Variants in ITGA2 observed in about 807,000 individuals in gnomAD.
The protein encoded by ITGA2 is integrin subunit alpha 2, also known as integrin alpha-2.
ITGA2 carries 101 observed loss-of-function variants against 146.3 expected under a neutral mutation model. The ratio of observed to expected loss-of-function variants is 0.69; its 90% CI spans 0.59 to 0.81. The LOEUF (loss-of-function observed/expected upper bound fraction) is 0.81, where lower values mean the gene tolerates loss of function less well. ITGA2 is among the 40% of genes least tolerant of loss of function. ITGA2 has a pLI of 0.00. For synonymous variants in ITGA2, 477 were observed against 487.1 expected, an observed-to-expected ratio of 0.98 and a Z score of 0.27; for missense variants, 1,281 against 1,402.7, an observed-to-expected ratio of 0.91 and a Z score of 1.39.
intron 8 of ITGA2, 46 bp from the exon 9 acceptor site, chr5:53,055,938 A>G (rs1410351530): frequency 6.4e-7 from 1 of 1,558,878 alleles, no homozygotes. Context: ...TCATAGGGAA[A>G]ATGTACAGCA....
intron 1 of ITGA2, among the ~76,000 whole-genome samples, chr5:53,006,263 C>T (rs1741845071): frequency 6.6e-6 from 1 of 152,098 alleles, no homozygotes; most frequent in Admixed American, 6.6e-5. Context: ...TGGTGTACAT[C>T]TCTTAATGGT....
chr5:53,064,907 G>A lies in ITGA2; in HGVS notation c.1603-5G>A, dbSNP rs1440215804. 11 of 1,612,116 alleles carry A rather than the reference G, an allele frequency of 6.8e-6. No individual in the cohort carries two copies. Among genetic ancestry groups the A allele is most frequent in the African/African-American group, 2.7e-5 (2 of 74,760 alleles). On this transcript the variant is annotated splice_region_variant and splice_polypyrimidine_tract_variant and intron_variant, in intron 13 of 29. Transcript: ENST00000296585. The stretch of plus-strand genomic sequence containing the variant: ...TTAATCATCCTTTTGTTTCCCCTTT[G>A]CAAGGGCATTTTGGGTCAGCACCAA...
At chr5:53,033,446 A>AT (rs1743332165) in intron 2 of ITGA2, among the ~76,000 whole-genome samples, 1 of 152,044 alleles carries the variant, frequency 6.6e-6, no homozygotes, top group Non-Finnish European at 1.5e-5. Flanking sequence ...GTCTTTTATG[A>AT]TATAGCCTTT....
intron 9 of ITGA2, 55 bp downstream of exon 9, chr5:53,056,204 T>C: frequency 6.7e-7 from 1 of 1,503,586 alleles, no homozygotes; most frequent in African/African-American, 1.4e-5. Flanking sequence ...AAATAATTGT[T>C]TATTATCACA....
At chr5:53,080,489 G>A (rs556539357) in intron 24 of ITGA2, 22 bp from the exon 25 acceptor site, 15 of 1,579,910 alleles carry the variant, frequency 9.5e-6, no homozygotes, top group Non-Finnish European at 1.3e-5. Context: ...TGCAGTACTG[G>A]CACATTTTAT....
chr5:53,074,915 GA>G (rs1323691188), intron 21 of ITGA2, 145 bp from the exon 22 acceptor site: 2 of 650,896 alleles, frequency 3.1e-6, no homozygotes, highest in Non-Finnish European at 5.4e-6. Context: ...GACAAATAAA[GA>G]TATTCCACAA....
chr5:53,062,006 C>G (rs1490885285), intron 12 of ITGA2, among the ~76,000 whole-genome samples: 1 of 151,778 alleles, frequency 6.6e-6, no homozygotes, highest in Non-Finnish European at 1.5e-5. Context: ...GGAATCATTT[C>G]TTAGTCATTT....
At chr5:52,989,553 G>A (rs1383258674) in intron 1 of ITGA2, 21 bp downstream of exon 1, 1 of 1,613,792 alleles carries the variant, frequency 6.2e-7, no homozygotes, top group East Asian at 2.2e-5. Context: ...ATTTCGCTCT[G>A]CATCGGCTGC....
In ITGA2 at chr5:53,048,788, G is replaced by T. The variant is rs1744214847; in HGVS notation, c.630+18G>T. 1.2e-6 allele frequency: 2 copies of T among 1,612,744 alleles called. No individual in the cohort carries two copies. The highest frequency in any genetic ancestry group is 3.3e-5 in the Admixed American group (2 of 59,972). On this transcript the variant is annotated intron_variant, in intron 6 of 29. Transcript: ENST00000296585. ...AGACACAGGTATGGCTAACAGAAAT[G>T]CATAACTAACTTATGGCTTTCTTTC...
At chr5:53,088,451 C>T (rs1242974395) in intron 28 of ITGA2, among the ~76,000 whole-genome samples, 1 of 151,854 alleles carries the variant, frequency 6.6e-6, no homozygotes. Context: ...TTTGGGAGGC[C>T]GAGGCAGGCG....
chr5:53,052,258 C>T (rs1215118498), intron 7 of ITGA2, among the ~76,000 whole-genome samples: 1 of 152,048 alleles, frequency 6.6e-6, no homozygotes, highest in Non-Finnish European at 1.5e-5. Context: ...CCTTGACAGG[C>T]CCCAGTGTGT....
chr5:53,045,553 G>A (rs1010928629), intron 4 of ITGA2, among the ~76,000 whole-genome samples: 3 of 152,142 alleles, frequency 2.0e-5, no homozygotes, highest in African/African-American at 7.2e-5. Context: ...TACAAAAAGA[G>A]TAAAAAGACA....
At chr5:53,025,934 A>C (rs1169001780) in intron 1 of ITGA2, among the ~76,000 whole-genome samples, 2 of 152,180 alleles carry the variant, frequency 1.3e-5, no homozygotes, top group African/African-American at 4.8e-5. Flanking sequence ...CCTTTCCTTC[A>C]TTCCCTTTCC....
At chr5:53,035,876 C>G (rs992597869) in intron 2 of ITGA2, among the ~76,000 whole-genome samples, 1 of 151,950 alleles carries the variant, frequency 6.6e-6, no homozygotes, top group African/African-American at 2.4e-5. Context: ...GTAAAATATC[C>G]CCTTGGATGG....
rs115856870 is a variant in ITGA2, at chr5:53,005,123, T to C, written c.64+15591T>C. Among the ~76,000 whole-genome samples the C allele has an allele frequency of 6.0e-3, 918 of 152,022 alleles. 11 individuals carry two copies. Among genetic ancestry groups the C allele is most frequent in the African/African-American group, 0.021 (871 of 41,442 alleles). ...ACTTTAGAGTTTGAAGTCTATTTGC[T>C]TAGGTTCAGAGTCAGGGTCTGAGTA... On this transcript the variant is annotated intron_variant, in intron 1 of 29. Transcript: ENST00000296585.
chr5:53,047,966 G>A (rs552724942), intron 4 of ITGA2, among the ~76,000 whole-genome samples: 2 of 152,188 alleles, frequency 1.3e-5, no homozygotes, highest in South Asian at 4.1e-4. Context: ...AGAATGTGTG[G>A]TTATCCTCAT....
rs765938634 is a variant in ITGA2 at position 53,065,117 on chromosome 5, TA to T, written c.1806+4del. 6.2e-7 allele frequency: 1 copy of T among 1,612,012 alleles called. No homozygotes were observed. Among genetic ancestry groups the T allele is most frequent in the Non-Finnish European group, 8.5e-7 (1 of 1,178,588 alleles). ...ACTATCCGCACAAAGTATTCCCAGG[TA>T]ATCCATGAGCTGTTATGGTGATGTA... On this transcript the variant is annotated splice_donor_region_variant and intron_variant, in intron 14 of 29. Coordinates refer to ENST00000296585, the MANE Select transcript of ITGA2 (RefSeq NM_002203.4).
intron 7 of ITGA2, among the ~76,000 whole-genome samples, chr5:53,054,642 T>TA (rs1318733255): frequency 6.6e-6 from 1 of 152,036 alleles, no homozygotes; most frequent in African/African-American, 2.4e-5. Flanking sequence ...TGCAGACATT[T>TA]AAAAAAAGAA....
At chr5:52,993,573 A>C (rs1442274665) in intron 1 of ITGA2, among the ~76,000 whole-genome samples, 1 of 152,170 alleles carries the variant, frequency 6.6e-6, no homozygotes, top group Non-Finnish European at 1.5e-5. Flanking sequence ...TGTCAGTTAA[A>C]TTCCTTCCGA....
Sources: gnomAD v4.1 joint callset for allele counts (sites outside exome capture counted in the v4.1 genomes callset) on GRCh38, gnomAD v4.1.1 for gene constraint, MANE v1.5 for transcripts, NCBI Gene and HGNC (gene_info 2026-07-23, HGNC 2026-07-21) for gene names.